DNM3: variants seen among roughly 807,000 people sequenced by gnomAD.
The protein encoded by DNM3 is dynamin 3, also known as dynamin-3.
In DNM3, 47 loss-of-function variants were observed where a neutral mutation model predicts 101.6. That is an observed-to-expected ratio of 0.46 (90% CI 0.37 to 0.59). DNM3 has a LOEUF of 0.59. Ranked by LOEUF, DNM3 falls within the 20% of genes least tolerant of loss-of-function variation. The probability of loss-of-function intolerance (pLI) is 0.00; values close to 1 mark genes in which losing one functional copy is unlikely to be tolerated. For missense variants in DNM3, 849 were observed against 1,085.7 expected (o/e 0.78, Z 3.06); for synonymous variants, 385 against 387.9 (o/e 0.99, Z 0.09).
At chr1:172,125,008 T>A (rs1367099803) in intron 13 of DNM3, among the ~76,000 whole-genome samples, 1 of 152,182 alleles carries the variant, frequency 6.6e-6, no homozygotes, top group Non-Finnish European at 1.5e-5. Flanking sequence ...AGATCTTTCC[T>A]AACCAACTGG....
chr1:171,904,980 G>A (rs1361576683), intron 1 of DNM3, among the ~76,000 whole-genome samples: 5 of 152,178 alleles, frequency 3.3e-5, no homozygotes, highest in Non-Finnish European at 5.9e-5. Context: ...CATCATCTTT[G>A]AGGTCCTTAC....
At chr1:172,069,182 C>T (rs2051955237) in intron 11 of DNM3, among the ~76,000 whole-genome samples, 1 of 152,060 alleles carries the variant, frequency 6.6e-6, no homozygotes, top group Non-Finnish European at 1.5e-5. Context: ...TTTCTCAATG[C>T]TCCATGGATC....
At chr1:172,165,324 A>C (rs2058706897) in intron 14 of DNM3, among the ~76,000 whole-genome samples, 1 of 152,094 alleles carries the variant, frequency 6.6e-6, no homozygotes, top group South Asian at 2.1e-4. Flanking sequence ...AAAAGGTGAG[A>C]GTAACAGAGT....
Position 171,841,673 on chromosome 1 carries a change from T to C in DNM3, c.17T>C (p.Met6Thr). 6.2e-7 allele frequency: 1 copy of C among 1,611,278 alleles called. No homozygotes were observed. Among genetic ancestry groups the C allele is most frequent in the Non-Finnish European group, 8.5e-7 (1 of 1,179,042 alleles). MGNRE[M>T]EELIPLVNRL... ...TCGGGCAAGATGGGGAACCGGGAGATGGAGGAGCTGATCCCGCTGGTGAAC... is the reference window on the plus strand; with the variant it reads ...TCGGGCAAGATGGGGAACCGGGAGACGGAGGAGCTGATCCCGCTGGTGAAC... The change falls in exon 1 of 21, where the codon ATG becomes ACG. Residue 6 changes from methionine (M) to threonine (T), a missense_variant. Met to Thr is a moderately conservative substitution (Grantham distance 81). Coordinates refer to ENST00000627582, the MANE Select transcript of DNM3 (RefSeq NM_015569.5).
At chr1:172,397,865 T>C (rs1225818554) in intron 20 of DNM3, among the ~76,000 whole-genome samples, 2 of 152,230 alleles carry the variant, frequency 1.3e-5, no homozygotes, top group East Asian at 3.9e-4. Flanking sequence ...ACGCATGGAG[T>C]TACTCATGCC....
In DNM3 at chr1:171,926,608, TTAATTAC is replaced by T. The variant is rs1213832722; in HGVS notation, c.235+4788_235+4794del. Among the ~76,000 whole-genome samples the T allele has an allele frequency of 9.8e-5, 15 of 152,332 alleles. No individual in the cohort carries two copies. In the East Asian group the frequency reaches 2.7e-3, roughly 27 times the overall value. ...ATCCTTGGGCCAATAGCATACTCTCTTAATTACCCTTGCTTTGTGGTAAGTTTCAAAT... is the reference window on the plus strand; with the variant it reads ...ATCCTTGGGCCAATAGCATACTCTCTCCTTGCTTTGTGGTAAGTTTCAAAT... On this transcript the variant is annotated intron_variant, in intron 2 of 20. Coordinates refer to ENST00000627582, the MANE Select transcript of DNM3 (RefSeq NM_015569.5).
At chr1:172,154,237 AAG>A (rs1430579493) in intron 14 of DNM3, among the ~76,000 whole-genome samples, 1 of 152,060 alleles carries the variant, frequency 6.6e-6, no homozygotes, top group Non-Finnish European at 1.5e-5. Context: ...GAGTCAAAGA[AAG>A]AGGATTCCTT....
intron 8 of DNM3, among the ~76,000 whole-genome samples, chr1:172,042,661 G>A (rs2049472140): frequency 6.6e-6 from 1 of 152,114 alleles, no homozygotes; most frequent in Non-Finnish European, 1.5e-5. Flanking sequence ...GTAAAGATCT[G>A]GGGGAAAGGG....
At chr1:172,096,200 A>G (rs193170316) in intron 13 of DNM3, among the ~76,000 whole-genome samples, 45 of 152,294 alleles carry the variant, frequency 3.0e-4, no homozygotes, top group African/African-American at 1.1e-3. Flanking sequence ...TATCTATTAC[A>G]TTTTATTATT....
intron 13 of DNM3, among the ~76,000 whole-genome samples, chr1:172,110,167 C>T (rs1230260893): frequency 2.0e-5 from 3 of 152,172 alleles, no homozygotes; most frequent in Admixed American, 1.3e-4. Context: ...ATTCTGTGTT[C>T]CAGGTCTCCA....
At chr1:171,844,132 A>G (rs2031710671) in intron 1 of DNM3, among the ~76,000 whole-genome samples, 1 of 152,198 alleles carries the variant, frequency 6.6e-6, no homozygotes, top group Admixed American at 6.5e-5. Context: ...CTAATTATAA[A>G]CCAACCTTAG....
intron 2 of DNM3, among the ~76,000 whole-genome samples, chr1:171,945,347 A>G (rs112518325): frequency 0.011 from 1,717 of 152,268 alleles, 26 homozygotes; most frequent in African/African-American, 0.038. Context: ...CATGGATAGT[A>G]AAGAGTTCAG....
intron 4 of DNM3, among the ~76,000 whole-genome samples, chr1:172,001,562 G>A (rs556470072): frequency 6.6e-6 from 1 of 152,062 alleles, no homozygotes; most frequent in African/African-American, 2.4e-5. Flanking sequence ...GGCCTCGCTA[G>A]GGAGGCAAAT....
At chr1:171,847,545 A>AG (rs1016693607) in intron 1 of DNM3, among the ~76,000 whole-genome samples, 6 of 151,980 alleles carry the variant, frequency 3.9e-5, no homozygotes, top group Admixed American at 1.3e-4. Context: ...AGGAAAAAAA[A>AG]AGAGATTGGA....
At chr1:171,868,887 G>A (rs12091121) in intron 1 of DNM3, among the ~76,000 whole-genome samples, 3,788 of 152,130 alleles carry the variant, frequency 0.025, 154 homozygotes, top group African/African-American at 0.087. Flanking sequence ...GGGTTCAAGC[G>A]ATTCTCCTGC....
intron 1 of DNM3, among the ~76,000 whole-genome samples, chr1:171,877,449 C>T (rs952264747): frequency 5.3e-5 from 8 of 152,286 alleles, no homozygotes; most frequent in African/African-American, 1.7e-4. Flanking sequence ...TTAGTCTCTT[C>T]TCCACAACAA....
chr1:171,960,336 ATGT>A (rs1296990797), intron 2 of DNM3, among the ~76,000 whole-genome samples: 3 of 152,308 alleles, frequency 2.0e-5, no homozygotes, highest in Admixed American at 1.3e-4. Context: ...AATAAAATTT[ATGT>A]TGTTTAAAGT....
At chr1:172,073,942 C>T (rs931128979) in intron 11 of DNM3, among the ~76,000 whole-genome samples, 16 of 152,164 alleles carry the variant, frequency 1.1e-4, no homozygotes, top group Non-Finnish European at 1.8e-4. Context: ...GCCTCCTCGT[C>T]TCCCCATTGA....
At chr1:172,106,043 A>G (rs2054989197) in intron 13 of DNM3, among the ~76,000 whole-genome samples, 1 of 152,162 alleles carries the variant, frequency 6.6e-6, no homozygotes, top group African/African-American at 2.4e-5. Flanking sequence ...ATAAAATAGT[A>G]CTGGATTTTC....
Sources: gnomAD v4.1 joint callset for allele counts (sites outside exome capture counted in the v4.1 genomes callset) on GRCh38, gnomAD v4.1.1 for gene constraint, MANE v1.5 for transcripts, NCBI Gene and HGNC (gene_info 2026-07-23, HGNC 2026-07-21) for gene names.